Variants in SSX2IP observed in about 807,000 individuals in gnomAD.
The protein encoded by SSX2IP is SSX family member 2 interacting protein, also known as afadin- and alpha-actinin-binding protein.
SSX2IP carries 55 observed loss-of-function variants against 84.9 expected under a neutral mutation model. The observed-to-expected ratio is 0.65, with a 90% CI of 0.52 to 0.81. SSX2IP has a LOEUF of 0.81. SSX2IP is among the 30% of genes least tolerant of loss of function. The pLI is 0.00. For missense variants in SSX2IP, 664 were observed against 705.2 expected, an observed-to-expected ratio of 0.94 and a Z score of 0.66; for synonymous variants, 239 against 234.7, an observed-to-expected ratio of 1.02 and a Z score of -0.17.
chr1:84,656,736 C>A (rs1430208900), intron 9 of SSX2IP, among the ~76,000 whole-genome samples: 1 of 152,146 alleles, frequency 6.6e-6, no homozygotes, highest in Non-Finnish European at 1.5e-5. Flanking sequence ...GACAATTACA[C>A]ATTTGTGCAA....
At chr1:84,670,335 C>T (rs1184431368) in intron 3 of SSX2IP, 7 of 191,628 alleles carry the variant, frequency 3.7e-5, no homozygotes, top group South Asian at 3.1e-4. Flanking sequence ...GTTAAGAGGA[C>T]GGGGCTCTTT....
intron 6 of SSX2IP, among the ~76,000 whole-genome samples, chr1:84,663,830 G>T (rs1033402705): frequency 1.3e-5 from 2 of 152,072 alleles, no homozygotes. Flanking sequence ...CTCTACTTTC[G>T]TGTTTCTTTG....
chr1:84,658,180 C>T (rs1211563220), intron 9 of SSX2IP, 138 bp downstream of exon 9: 1 of 836,760 alleles, frequency 1.2e-6, no homozygotes, highest in Non-Finnish European at 1.8e-6. Flanking sequence ...TAAATGTATG[C>T]AAAATCTTGC....
intron 1 of SSX2IP, among the ~76,000 whole-genome samples, chr1:84,689,331 A>G (rs950237145): frequency 6.6e-6 from 1 of 152,218 alleles, no homozygotes; most frequent in African/African-American, 2.4e-5. Flanking sequence ...TCTACCCCAC[A>G]GTAAGCCAAA....
At position 84,690,294 on chromosome 1, in the gene SSX2IP, C is replaced by G. The variant is rs1188044912; in HGVS notation, c.-90+77G>C. The G allele has an allele frequency of 2.0e-5, 3 of 151,828 alleles. No homozygotes were observed. In the East Asian group the frequency reaches 5.8e-4, roughly 30 times the overall value. The allele number at this position is 151,828 out of a possible 1,614,324, so 9.4% of individuals were successfully genotyped here. ...CTCTCACCTCCGCGCGCGCCCGCCC[C>G]TTGCCGGCGCCCACCCCCGCCCGCC... On this transcript the variant is annotated intron_variant, in intron 1 of 13. Transcript: ENST00000342203.
At chr1:84,648,084 T>C (rs1159539111) in intron 13 of SSX2IP, among the ~76,000 whole-genome samples, 1 of 152,188 alleles carries the variant, frequency 6.6e-6, no homozygotes, top group Non-Finnish European at 1.5e-5. Flanking sequence ...AGCCTTTATA[T>C]AAAATTCCAT....
intron 1 of SSX2IP, among the ~76,000 whole-genome samples, chr1:84,674,666 C>T (rs1654068391): frequency 6.6e-6 from 1 of 152,166 alleles, no homozygotes; most frequent in South Asian, 2.1e-4. Flanking sequence ...TTTGGCTCTC[C>T]TGTCTATAGA....
intron 1 of SSX2IP, among the ~76,000 whole-genome samples, chr1:84,675,696 C>G (rs1654224265): frequency 6.6e-6 from 1 of 152,184 alleles, no homozygotes; most frequent in African/African-American, 2.4e-5. Flanking sequence ...CATCTGATTG[C>G]TTCCTATGCC....
At chr1:84,648,448 CTAAA>C (rs911546010) in intron 13 of SSX2IP, among the ~76,000 whole-genome samples, 2 of 152,140 alleles carry the variant, frequency 1.3e-5, no homozygotes, top group Non-Finnish European at 2.9e-5. Context: ...TAGTCTGTCA[CTAAA>C]TGTTTTTAAG....
chr1:84,677,858 TC>T, intron 1 of SSX2IP, among the ~76,000 whole-genome samples: 1 of 152,166 alleles, frequency 6.6e-6, no homozygotes, highest in Non-Finnish European at 1.5e-5. Context: ...TGCAGCCCTG[TC>T]CAACACCTTG....
intron 6 of SSX2IP, among the ~76,000 whole-genome samples, chr1:84,663,200 G>A (rs944435054): frequency 6.6e-6 from 1 of 152,044 alleles, no homozygotes; most frequent in African/African-American, 2.4e-5. Flanking sequence ...AACATTTGGC[G>A]TAAAAAGGAA....
rs1382510999 is a variant in SSX2IP, at chr1:84,662,305, T to C, written c.820A>G (p.Asn274Asp). 1 of 1,609,768 alleles carries C rather than the reference T, an allele frequency of 6.2e-7. No homozygotes were observed. The highest frequency in any genetic ancestry group is 1.3e-5 in the African/African-American group (1 of 74,846). The change falls in exon 8 of 14, where the codon AAT becomes GAT. Residue 274 changes from asparagine to aspartate, a missense_variant. By Grantham distance (23) the Asn-to-Asp change is conservative. Coordinates refer to ENST00000342203, the MANE Select transcript of SSX2IP (RefSeq NM_001166293.2). ...TGAAGAACCTTCTTAAGTTCTGCAT[T>C]TTCCATTAGGATTTGTTTCTGACGA... ...EYRQKQILME[N>D]AELKKVLQQM...
chr1:84,656,433 T>G lies in SSX2IP; in HGVS notation c.1130A>C (p.Gln377Pro). The G allele has an allele frequency of 6.2e-7, 1 of 1,613,608 alleles. No individual in the cohort carries two copies. The highest frequency in any genetic ancestry group is 8.5e-7 in the Non-Finnish European group (1 of 1,179,750). The change falls in exon 10 of 14, where the codon CAA (glutamine) becomes CCA (proline). Residue 377 changes from glutamine to proline, a missense_variant. By Grantham distance (76) the Gln-to-Pro change is moderately conservative. Coordinates refer to ENST00000342203, the MANE Select transcript of SSX2IP (RefSeq NM_001166293.2). ...GFNDEDVISRQDHEQETEKLE... is the reference protein window; with the variant it reads ...GFNDEDVISRPDHEQETEKLE... ...TTTTTCAGTTTCTTGTTCATGGTCT[T>G]GTCGTGAGATTACATCTTCATCATT...
At chr1:84,657,590 G>T (rs534760041) in intron 9 of SSX2IP, among the ~76,000 whole-genome samples, 4 of 152,148 alleles carry the variant, frequency 2.6e-5, no homozygotes, top group South Asian at 4.2e-4. Context: ...TCTCTTTTTG[G>T]GGGGGAACAG....
chr1:84,682,833 A>G (rs1010260387), intron 1 of SSX2IP, among the ~76,000 whole-genome samples: 1 of 152,078 alleles, frequency 6.6e-6, no homozygotes, highest in African/African-American at 2.4e-5. Context: ...ATGTGCACAC[A>G]TTGTCTTTAC....
chr1:84,677,497 TCA>T, intron 1 of SSX2IP, among the ~76,000 whole-genome samples: 1 of 152,312 alleles, frequency 6.6e-6, no homozygotes, highest in Non-Finnish European at 1.5e-5. Flanking sequence ...AGGATGGCTC[TCA>T]GTTATTTCTG....
intron 13 of SSX2IP, among the ~76,000 whole-genome samples, chr1:84,649,447 C>T (rs1317326456): frequency 1.3e-5 from 2 of 152,186 alleles, no homozygotes; most frequent in Non-Finnish European, 2.9e-5. Flanking sequence ...TCAACTACAA[C>T]TTATAGTGTG....
In SSX2IP at chr1:84,650,372, A is replaced by T. The variant is rs145769800; in HGVS notation, c.1660T>A (p.Ser554Thr). 1.7e-5 allele frequency: 27 copies of T among 1,614,104 alleles called. No individual in the cohort carries two copies. In the African/African-American group the frequency reaches 3.2e-4, roughly 19 times the overall value. Residue 554 changes from serine to threonine, a missense_variant, in exon 13 of 14, where the codon TCT becomes ACT. Transcript: ENST00000342203. ...SDFCQTRSCI[S>T]EHSSINVLNI... ...CCTATAGACAAATACCTATGTTCAG[A>T]TATGCAGGAACGTGTCTGGCAAAAG...
intron 13 of SSX2IP, 78 bp from the exon 14 acceptor site, chr1:84,647,685 T>A: frequency 3.1e-6 from 3 of 972,530 alleles, no homozygotes; most frequent in Non-Finnish European, 1.3e-6. Flanking sequence ...GTGGCACTCT[T>A]CAAAAAAAAT....
Sources: allele counts gnomAD v4.1 joint callset (sites outside exome capture counted in the v4.1 genomes callset), GRCh38; gene constraint gnomAD v4.1.1; transcripts MANE v1.5; gene names NCBI Gene and HGNC (gene_info 2026-07-23, HGNC 2026-07-21).